The following ARIH1 variants were observed in gnomAD, a reference collection of about 807,000 sequenced individuals.
The protein encoded by ARIH1 is ariadne RBR E3 ubiquitin protein ligase 1.
In ARIH1, 8 loss-of-function variants were observed where a neutral mutation model predicts 85.0. The observed-to-expected ratio is 0.09, with a 90% CI of 0.06 to 0.17. ARIH1 has a LOEUF of 0.17. ARIH1 is among the 10% of genes least tolerant of loss of function. ARIH1 has a pLI of 1.00. For synonymous variants in ARIH1, 238 were observed against 253.6 expected, an observed-to-expected ratio of 0.94 and a Z score of 0.59; for missense variants, 311 against 718.1, an observed-to-expected ratio of 0.43 and a Z score of 6.48.
At chr15:72,574,256 C>T (rs559279999) in intron 11 of ARIH1, among the ~76,000 whole-genome samples, 1 of 152,288 alleles carries the variant, frequency 6.6e-6, no homozygotes, top group East Asian at 1.9e-4. Context: ...TTCTGTTTCA[C>T]ATCTGTTGGA....
At chr15:72,475,080 G>C (rs12903192) in intron 1 of ARIH1, 66 bp downstream of exon 1, 3 of 1,537,564 alleles carry the variant, frequency 2.0e-6, no homozygotes, top group African/African-American at 1.4e-5. Context: ...CGGCACGCGC[G>C]GTCCCGAGGG....
At chr15:72,479,140 G>A (rs898356504) in intron 1 of ARIH1, among the ~76,000 whole-genome samples, 1 of 152,066 alleles carries the variant, frequency 6.6e-6, no homozygotes, top group South Asian at 2.1e-4. Context: ...TTTGAGCACC[G>A]TTGTGATGCT....
At chr15:72,502,061 A>ATTT (rs879634971) in intron 1 of ARIH1, among the ~76,000 whole-genome samples, 2 of 151,182 alleles carry the variant, frequency 1.3e-5, no homozygotes, top group Non-Finnish European at 3.0e-5. Flanking sequence ...AGTCTTGAGT[A>ATTT]TTTTTTTTTG....
intron 2 of ARIH1, among the ~76,000 whole-genome samples, chr15:72,535,157 T>G: frequency 6.6e-6 from 1 of 151,358 alleles, no homozygotes; most frequent in African/African-American, 2.4e-5. Flanking sequence ...TTCACCGTGT[T>G]AGCCAGGATG....
Position 72,595,636 on chromosome 15 carries a change from A to G in ARIH1, c.*12344A>G, listed in dbSNP as rs917161753. 2.0e-5 allele frequency: 3 copies of G among 151,502 alleles called. No individual in the cohort carries two copies. Among genetic ancestry groups the G allele is most frequent in the African/African-American group, 4.9e-5 (2 of 41,216 alleles). The allele number at this position is 151,502 out of a possible 1,614,324, so 9.4% of individuals were successfully genotyped here. ...TGGGACCACAGGTGTGCGCTACCAC[A>G]GCTGGCTAATTTTTCTTTTTCATTT... On this transcript the variant is annotated 3_prime_UTR_variant, in exon 14 of 14. Transcript: ENST00000379887.
chr15:72,498,961 ATTTTTTTT>A (rs535261674), intron 1 of ARIH1, among the ~76,000 whole-genome samples: 3 of 88,450 alleles, frequency 3.4e-5, no homozygotes, highest in African/African-American at 1.4e-4. Flanking sequence ...CTTTTCATAA[ATTTTTTTT>A]TTTTTTTTTT....
chr15:72,503,483 G>A (rs1042841204), intron 1 of ARIH1, among the ~76,000 whole-genome samples: 5 of 152,164 alleles, frequency 3.3e-5, no homozygotes, highest in Admixed American at 1.3e-4. Context: ...AGCTTCTTAT[G>A]ATTTCAGTTC....
intron 1 of ARIH1, among the ~76,000 whole-genome samples, chr15:72,505,120 A>G (rs2063919338): frequency 6.6e-6 from 1 of 152,236 alleles, no homozygotes; most frequent in Non-Finnish European, 1.5e-5. Flanking sequence ...ACATGCATAC[A>G]GATCACCTCA....
intron 2 of ARIH1, among the ~76,000 whole-genome samples, chr15:72,524,008 G>T (rs1188028502): frequency 1.5e-5 from 2 of 136,358 alleles, no homozygotes; most frequent in Non-Finnish European, 3.1e-5. Flanking sequence ...GTGCAGTGGC[G>T]CAATCTCGGC....
At chr15:72,556,412 A>G (rs1175082586) in intron 5 of ARIH1, among the ~76,000 whole-genome samples, 1 of 152,208 alleles carries the variant, frequency 6.6e-6, no homozygotes, top group African/African-American at 2.4e-5. Context: ...ATACCTCAAT[A>G]AGTAGAAAGA....
At chr15:72,510,302 G>T (rs547695297) in intron 1 of ARIH1, among the ~76,000 whole-genome samples, 16 of 152,148 alleles carry the variant, frequency 1.1e-4, no homozygotes, top group Middle Eastern at 3.4e-3. Flanking sequence ...GGATTTCAGT[G>T]TATCCGTTTT....
intron 1 of ARIH1, among the ~76,000 whole-genome samples, chr15:72,490,820 C>T (rs1489726784): frequency 6.6e-6 from 1 of 152,066 alleles, no homozygotes; most frequent in Non-Finnish European, 1.5e-5. Flanking sequence ...GTCCCAGTGA[C>T]TAAACAATGC....
chr15:72,499,480 TTA>T (rs1350707348), intron 1 of ARIH1, among the ~76,000 whole-genome samples: 7 of 152,342 alleles, frequency 4.6e-5, no homozygotes, highest in South Asian at 2.1e-4. Context: ...CCAGCTATAG[TTA>T]TATGTTATCA....
intron 2 of ARIH1, among the ~76,000 whole-genome samples, chr15:72,534,540 A>G (rs2064072349): frequency 6.6e-6 from 1 of 152,370 alleles, no homozygotes; most frequent in South Asian, 2.1e-4. Context: ...TTTCCTGGAC[A>G]TGTAGGATTA....
In ARIH1 at chr15:72,570,263, T is replaced by C. The variant is rs750245305; in HGVS notation, c.1113T>C (p.Phe371=). ...GTAACCAGAATTGTAAAGCAGAGTTTTGCTGGGTGTGTCTTGGCCCATGGG... is the reference window on the plus strand; with the variant it reads ...GTAACCAGAATTGTAAAGCAGAGTTCTGCTGGGTGTGTCTTGGCCCATGGG... ...VCRNQNCKAE[F]CWVCLGPWEP... Residue 371 remains phenylalanine, a synonymous_variant, in exon 10 of 14, where the codon TTT becomes TTC. Transcript: ENST00000379887. 6.2e-7 allele frequency: 1 copy of C among 1,614,078 alleles called. No homozygotes were observed. The highest frequency in any genetic ancestry group is 1.1e-5 in the South Asian group (1 of 91,086).
intron 3 of ARIH1, among the ~76,000 whole-genome samples, chr15:72,551,435 A>G (rs2064152448): frequency 1.3e-5 from 2 of 152,198 alleles, no homozygotes; most frequent in African/African-American, 2.4e-5. Context: ...AGGCATTTCA[A>G]ATAAGGTGTA....
At chr15:72,566,935 A>G (rs930271852) in intron 8 of ARIH1, among the ~76,000 whole-genome samples, 171 bp from the exon 9 acceptor site, 24 of 152,190 alleles carry the variant, frequency 1.6e-4, no homozygotes, top group Admixed American at 8.5e-4. Flanking sequence ...TTGATTTTAT[A>G]TATACTGGAC....
At chr15:72,507,024 T>TATGTATGTATG (rs1567342207) in intron 1 of ARIH1, among the ~76,000 whole-genome samples, 3 of 146,934 alleles carry the variant, frequency 2.0e-5, no homozygotes, top group African/African-American at 7.8e-5. Flanking sequence ...ATGTATGTAT[T>TATGTATGTATG]TATTTATTTA....
rs1050801089 is a variant in ARIH1 at position 72,592,644 on chromosome 15, G to T, written c.*9352G>T. ...TAAAGATTTGTTGTACCTGCTTTTG[G>T]ATTACATATAAGTGGAATCATATAA... On this transcript the variant is annotated 3_prime_UTR_variant, in exon 14 of 14. Transcript: ENST00000379887. 5 of 152,104 alleles carry T rather than the reference G, an allele frequency of 3.3e-5. No individual in the cohort carries two copies. Among genetic ancestry groups the T allele is most frequent in the African/African-American group, 1.2e-4 (5 of 41,400 alleles). The allele number at this position is 152,104 out of a possible 1,614,324, so 9.4% of individuals were successfully genotyped here.
Sources: gnomAD v4.1 joint callset for allele counts (sites outside exome capture counted in the v4.1 genomes callset) on GRCh38, gnomAD v4.1.1 for gene constraint, MANE v1.5 for transcripts, NCBI Gene and HGNC (gene_info 2026-07-23, HGNC 2026-07-21) for gene names.